The following PTPRD variants were observed in gnomAD, a reference collection of about 807,000 sequenced individuals.
PTPRD encodes the protein receptor-type tyrosine-protein phosphatase delta.
A neutral mutation model predicts 214.5 loss-of-function variants in PTPRD; 34 were observed. That is an observed-to-expected ratio of 0.16 (90% CI 0.12 to 0.21). The LOEUF is 0.21. Ranked by LOEUF, PTPRD falls within the 10% of genes least tolerant of loss-of-function variation. PTPRD has a pLI of 1.00. For missense variants in PTPRD, 2,545 were observed against 2,398.7 expected (o/e 1.06, Z -1.27); for synonymous variants, 1,128 against 845.7 (o/e 1.33, Z -5.79).
rs552936123 is a variant in PTPRD at position 9,466,790 on chromosome 9, C to T, written c.-236-69308G>A. ...CAGTTAATCTGTGCAAAATGCCTTA[C>T]TAATTTTAATTGCTACAATTTGTGA... On this transcript the variant is annotated intron_variant, in intron 8 of 45. Coordinates refer to ENST00000381196, the MANE Select transcript of PTPRD (RefSeq NM_002839.4). 2.0e-5 allele frequency among the ~76,000 whole-genome samples: 3 copies of T among 152,248 alleles called. No individual in the cohort carries two copies. In the East Asian group the frequency reaches 5.8e-4, roughly 29 times the overall value.
chr9:10,581,268 A>G (rs1400869251), intron 2 of PTPRD, among the ~76,000 whole-genome samples: 1 of 152,230 alleles, frequency 6.6e-6, no homozygotes, highest in Non-Finnish European at 1.5e-5. Flanking sequence ...GTCTCAAAAC[A>G]ACTGTCAATC....
At chr9:9,951,207 G>A (rs183497323) in intron 4 of PTPRD, among the ~76,000 whole-genome samples, 2 of 152,044 alleles carry the variant, frequency 1.3e-5, no homozygotes, top group Non-Finnish European at 1.5e-5. Context: ...TGAATTAGAA[G>A]CTTTGAGGGA....
At chr9:9,507,738 T>C (rs559246766) in intron 8 of PTPRD, among the ~76,000 whole-genome samples, 1 of 151,426 alleles carries the variant, frequency 6.6e-6, no homozygotes, top group African/African-American at 2.4e-5. Context: ...ATAACTCTAA[T>C]CTTAGTGTAT....
At chr9:9,959,057 T>C (rs2094161721) in intron 4 of PTPRD, among the ~76,000 whole-genome samples, 1 of 152,186 alleles carries the variant, frequency 6.6e-6, no homozygotes, top group African/African-American at 2.4e-5. Flanking sequence ...TGCAAAAGTT[T>C]ACAGCAGCTT....
At chr9:10,115,942 G>C (rs558490804) in intron 3 of PTPRD, among the ~76,000 whole-genome samples, 18 of 152,010 alleles carry the variant, frequency 1.2e-4, no homozygotes, top group African/African-American at 3.9e-4. Context: ...TGAATAACTG[G>C]TTGTTTATGG....
chr9:10,030,901 T>C (rs1281441246), intron 4 of PTPRD, among the ~76,000 whole-genome samples: 3 of 152,224 alleles, frequency 2.0e-5, no homozygotes, highest in Non-Finnish European at 4.4e-5. Context: ...ATCTTCATTG[T>C]GTTCTGGGAA....
intron 11 of PTPRD, among the ~76,000 whole-genome samples, chr9:8,926,971 T>G (rs1222871680): frequency 6.6e-6 from 1 of 152,158 alleles, no homozygotes; most frequent in Non-Finnish European, 1.5e-5. Context: ...GAGTGTGGAA[T>G]TTTTGAGCTC....
intron 2 of PTPRD, among the ~76,000 whole-genome samples, chr9:10,591,727 G>A (rs1351976176): frequency 6.6e-6 from 1 of 151,828 alleles, no homozygotes; most frequent in Non-Finnish European, 1.5e-5. Flanking sequence ...CCCACCTGTT[G>A]TGTGTGGACT....
intron 3 of PTPRD, among the ~76,000 whole-genome samples, chr9:10,161,940 A>G (rs1182404989): frequency 6.6e-6 from 1 of 151,728 alleles, no homozygotes; most frequent in African/African-American, 2.4e-5. Context: ...ATATTTTTTA[A>G]AAAAATGCTT....
chr9:8,531,646 G>A (rs146079922), intron 14 of PTPRD, among the ~76,000 whole-genome samples: 9 of 152,174 alleles, frequency 5.9e-5, no homozygotes, highest in East Asian at 3.9e-4. Context: ...GTATGTCCTA[G>A]GACACTGTAT....
At chr9:8,735,542 A>T (rs1220268144) in intron 11 of PTPRD, among the ~76,000 whole-genome samples, 2 of 152,180 alleles carry the variant, frequency 1.3e-5, no homozygotes, top group Non-Finnish European at 2.9e-5. Flanking sequence ...TCCAGAGACC[A>T]CACTTTGAGA....
chr9:10,112,980 G>A (rs1012142556), intron 3 of PTPRD, among the ~76,000 whole-genome samples: 8 of 152,208 alleles, frequency 5.3e-5, no homozygotes, highest in Admixed American at 3.9e-4. Context: ...CAAAAGTGGC[G>A]ATTCATCCTG....
chr9:8,363,082 A>T (rs2078904802), intron 39 of PTPRD, among the ~76,000 whole-genome samples: 1 of 152,202 alleles, frequency 6.6e-6, no homozygotes, highest in Admixed American at 6.5e-5. Context: ...TGTAAAACAT[A>T]GATTATATCT....
intron 4 of PTPRD, among the ~76,000 whole-genome samples, chr9:9,970,198 T>G (rs1402551420): frequency 4.6e-5 from 7 of 151,970 alleles, no homozygotes; most frequent in African/African-American, 1.5e-4. Context: ...TTAAAAGAAT[T>G]ACTTTACTTT....
intron 7 of PTPRD, among the ~76,000 whole-genome samples, chr9:9,596,884 A>T (rs780217777): frequency 1.2e-4 from 18 of 152,130 alleles, no homozygotes; most frequent in Non-Finnish European, 2.1e-4. Context: ...TTCACAGATC[A>T]CACAAATCAG....
intron 3 of PTPRD, among the ~76,000 whole-genome samples, chr9:10,065,133 A>T (rs2097850945): frequency 6.7e-6 from 1 of 150,184 alleles, no homozygotes; most frequent in Non-Finnish European, 1.5e-5. Context: ...CTTTGTTGTG[A>T]CTTGGATTAG....
chr9:9,330,204 T>C (rs1225158788), intron 9 of PTPRD, among the ~76,000 whole-genome samples: 1 of 152,130 alleles, frequency 6.6e-6, no homozygotes, highest in Non-Finnish European at 1.5e-5. Flanking sequence ...CCAAAATACA[T>C]GTTCATTCCT....
intron 7 of PTPRD, among the ~76,000 whole-genome samples, chr9:9,671,204 T>C (rs182234384): frequency 3.9e-5 from 6 of 152,228 alleles, no homozygotes; most frequent in South Asian, 2.1e-4. Flanking sequence ...AAGGAGATCA[T>C]TTTGGAGCTT....
intron 5 of PTPRD, among the ~76,000 whole-genome samples, chr9:9,799,869 T>C (rs2099027682): frequency 6.6e-6 from 1 of 151,782 alleles, no homozygotes; most frequent in Admixed American, 6.6e-5. Flanking sequence ...GCTTTCTTTT[T>C]GAACTCTGAT....
Sources: allele counts gnomAD v4.1 joint callset (sites outside exome capture counted in the v4.1 genomes callset), GRCh38; gene constraint gnomAD v4.1.1; transcripts MANE v1.5; gene names NCBI Gene and HGNC (gene_info 2026-07-23, HGNC 2026-07-21).